The following RAB28 variants were observed in gnomAD, a reference collection of about 807,000 sequenced individuals.
The protein encoded by RAB28 is RAB28, member RAS oncogene family.
In RAB28, 24 loss-of-function variants were observed where a neutral mutation model predicts 31.7. The observed-to-expected ratio is 0.76, with a 90% confidence interval of 0.55 to 1.06. The LOEUF (loss-of-function observed/expected upper bound fraction) is 1.06. Among genes scored for constraint, RAB28 ranks in the 50% least tolerant of loss-of-function variants. RAB28 has a pLI of 0.00. For synonymous variants in RAB28, 100 were observed against 90.4 expected, an observed-to-expected ratio of 1.11 and a Z score of -0.60; for missense variants, 254 against 258.5, an observed-to-expected ratio of 0.98 and a Z score of 0.12.
chr4:13,470,235 TAC>T (rs1716056779), intron 3 of RAB28, among the ~76,000 whole-genome samples: 1 of 152,126 alleles, frequency 6.6e-6, no homozygotes. Flanking sequence ...AATTAAATCA[TAC>T]AGATTATATA....
chr4:13,434,480 G>A (rs1713982687), intron 4 of RAB28, among the ~76,000 whole-genome samples: 1 of 152,106 alleles, frequency 6.6e-6, no homozygotes, highest in African/African-American at 2.4e-5. Flanking sequence ...CAACAGTAGT[G>A]AAGAACTTCA....
chr4:13,472,766 C>A (rs1417415978), intron 3 of RAB28, among the ~76,000 whole-genome samples: 1 of 151,898 alleles, frequency 6.6e-6, no homozygotes, highest in African/African-American at 2.4e-5. Flanking sequence ...TGGCTTCCCA[C>A]AAATCTCTGT....
At chr4:13,474,803 A>G (rs1184021299) in intron 2 of RAB28, among the ~76,000 whole-genome samples, 1 of 151,648 alleles carries the variant, frequency 6.6e-6, no homozygotes, top group Non-Finnish European at 1.5e-5. Context: ...CCAATCATAC[A>G]TATGAATTCT....
chr4:13,374,338 G>A (rs1038277891), intron 6 of RAB28, among the ~76,000 whole-genome samples: 4 of 152,002 alleles, frequency 2.6e-5, no homozygotes, highest in African/African-American at 9.7e-5. Flanking sequence ...AAACACACTA[G>A]GATATTAAGC....
At chr4:13,396,159 T>TCCAAGGGAA (rs2108895764) in intron 4 of RAB28, among the ~76,000 whole-genome samples, 1 of 152,186 alleles carries the variant, frequency 6.6e-6, no homozygotes. Context: ...AAAATGTCAC[T>TCCAAGGGAA]GTCTAACTTA....
chr4:13,380,084 C>A (rs891128975), intron 5 of RAB28, among the ~76,000 whole-genome samples: 3 of 151,940 alleles, frequency 2.0e-5, no homozygotes, highest in African/African-American at 7.3e-5. Flanking sequence ...AGGGTAGAAG[C>A]CCAGTGAATC....
At chr4:13,471,201 A>G (rs1716101035) in intron 3 of RAB28, among the ~76,000 whole-genome samples, 1 of 152,098 alleles carries the variant, frequency 6.6e-6, no homozygotes, top group Non-Finnish European at 1.5e-5. Context: ...TGAGATAGGT[A>G]ATATAAAGCA....
chr4:13,447,603 A>C (rs1019429481), intron 4 of RAB28, among the ~76,000 whole-genome samples: 5 of 152,218 alleles, frequency 3.3e-5, no homozygotes, highest in African/African-American at 1.2e-4. Flanking sequence ...TTCAGGAACA[A>C]TTTAAATTTT....
At chr4:13,409,741 T>G (rs1170662350) in intron 4 of RAB28, among the ~76,000 whole-genome samples, 1 of 152,168 alleles carries the variant, frequency 6.6e-6, no homozygotes. Flanking sequence ...ATGCAAAATG[T>G]CTCTTGTGGC....
chr4:13,386,314 A>G (rs1225706732), intron 4 of RAB28, among the ~76,000 whole-genome samples: 3 of 152,090 alleles, frequency 2.0e-5, no homozygotes, highest in South Asian at 4.1e-4. Flanking sequence ...TCAACAGAGT[A>G]AACAGACAAC....
chr4:13,476,610 T>C (rs1477371176), intron 2 of RAB28, among the ~76,000 whole-genome samples: 2 of 151,486 alleles, frequency 1.3e-5, no homozygotes, highest in Non-Finnish European at 3.0e-5. Context: ...CAAAATCCCA[T>C]GAGGATATGA....
At chr4:13,411,028 G>T (rs1712413646) in intron 4 of RAB28, among the ~76,000 whole-genome samples, 3 of 151,862 alleles carry the variant, frequency 2.0e-5, no homozygotes, top group Non-Finnish European at 1.5e-5. Flanking sequence ...ATTTAAAAAA[G>T]ATCCAAACAA....
At chr4:13,420,480 C>T (rs971157816) in intron 4 of RAB28, among the ~76,000 whole-genome samples, 2 of 152,152 alleles carry the variant, frequency 1.3e-5, no homozygotes, top group Non-Finnish European at 2.9e-5. Context: ...ACCAATATCC[C>T]TGATGAACAT....
intron 6 of RAB28, among the ~76,000 whole-genome samples, chr4:13,374,466 T>C (rs1728843371): frequency 6.6e-6 from 1 of 152,182 alleles, no homozygotes; most frequent in African/African-American, 2.4e-5. Flanking sequence ...GGTCTCCTTG[T>C]ATCTGATCAC....
At chr4:13,448,848 AG>A (rs1238056702) in intron 4 of RAB28, among the ~76,000 whole-genome samples, 1 of 152,042 alleles carries the variant, frequency 6.6e-6, no homozygotes, top group Non-Finnish European at 1.5e-5. Context: ...AGTATGTTCC[AG>A]TAAGTAAATG....
intron 4 of RAB28, among the ~76,000 whole-genome samples, chr4:13,429,225 G>A (rs1713676117): frequency 6.6e-6 from 1 of 152,154 alleles, no homozygotes; most frequent in Admixed American, 6.5e-5. Flanking sequence ...GGGATTACAG[G>A]AATGAGCCAC....
intron 1 of RAB28, among the ~76,000 whole-genome samples, chr4:13,481,509 T>A (rs1436745935): frequency 6.6e-6 from 1 of 152,098 alleles, no homozygotes; most frequent in African/African-American, 2.4e-5. Context: ...TATTTTTATC[T>A]GAATCTTTAT....
intron 1 of RAB28, among the ~76,000 whole-genome samples, chr4:13,480,865 G>C (rs1205460382): frequency 6.6e-6 from 1 of 151,444 alleles, no homozygotes; most frequent in East Asian, 1.9e-4. Context: ...TCTTTTTACA[G>C]ACCATTGTTT....
chr4:13,426,209 T>A (rs906955258), intron 4 of RAB28, among the ~76,000 whole-genome samples: 1 of 152,124 alleles, frequency 6.6e-6, no homozygotes, highest in Non-Finnish European at 1.5e-5. Flanking sequence ...TCATGAGATT[T>A]TCATAAAGAT....
Sources: gnomAD v4.1 joint callset for allele counts (sites outside exome capture counted in the v4.1 genomes callset) on GRCh38, gnomAD v4.1.1 for gene constraint, MANE v1.5 for transcripts, NCBI Gene and HGNC (gene_info 2026-07-23, HGNC 2026-07-21) for gene names.